Variants in KIF20B observed in about 807,000 individuals in gnomAD.
The protein encoded by KIF20B is kinesin family member 20B.
KIF20B carries 188 observed loss-of-function variants against 232.5 expected under a neutral mutation model. That is an observed-to-expected ratio of 0.81 (90% CI 0.72 to 0.91). The LOEUF is 0.91. Among genes scored for constraint, KIF20B ranks in the 40% least tolerant of loss-of-function variants. The probability of loss-of-function intolerance (pLI) is 0.00; values close to 1 mark genes in which losing one functional copy is unlikely to be tolerated. For synonymous variants in KIF20B, 712 were observed against 683.0 expected, an observed-to-expected ratio of 1.04 and a Z score of -0.66; for missense variants, 2,154 against 2,055.9, an observed-to-expected ratio of 1.05 and a Z score of -0.92.
intron 23 of KIF20B, 47 bp from the exon 24 acceptor site, chr10:89,751,299 A>T (rs73386407): frequency 4.4e-6 from 6 of 1,370,406 alleles, no homozygotes; most frequent in Non-Finnish European, 5.8e-6. Flanking sequence ...GAAAAATTGG[A>T]TATCTAGAGG....
intron 13 of KIF20B, among the ~76,000 whole-genome samples, chr10:89,722,648 G>A (rs1019384567): frequency 2.0e-5 from 3 of 152,160 alleles, no homozygotes; most frequent in South Asian, 2.1e-4. Flanking sequence ...CAGCCTGGGC[G>A]ACAGAGTGAG....
At chr10:89,728,269 T>G (rs193166905) in intron 17 of KIF20B, among the ~76,000 whole-genome samples, 1 of 152,304 alleles carries the variant, frequency 6.6e-6, no homozygotes, top group African/African-American at 2.4e-5. Flanking sequence ...TAGACACTAG[T>G]TGTACCAATT....
chr10:89,720,414 C>T (rs1250427496), intron 13 of KIF20B, among the ~76,000 whole-genome samples: 1 of 152,156 alleles, frequency 6.6e-6, no homozygotes, highest in East Asian at 1.9e-4. Context: ...CTTAGAGATG[C>T]TAAGTTTTGC....
At chr10:89,706,913 G>C (rs1842734920) in intron 2 of KIF20B, among the ~76,000 whole-genome samples, 1 of 152,010 alleles carries the variant, frequency 6.6e-6, no homozygotes, top group East Asian at 1.9e-4. Flanking sequence ...ATAAATTTTA[G>C]AATCAGCTTG....
intron 28 of KIF20B, 122 bp from the exon 29 acceptor site, chr10:89,762,516 C>G (rs1842263688): frequency 4.4e-6 from 3 of 675,408 alleles, no homozygotes; most frequent in African/African-American, 3.6e-5. Context: ...TTGCTGTGAT[C>G]TAGCACGCTT....
At chr10:89,753,932 G>T (rs560722273) in intron 25 of KIF20B, among the ~76,000 whole-genome samples, 2 of 152,024 alleles carry the variant, frequency 1.3e-5, no homozygotes, top group Admixed American at 6.6e-5. Flanking sequence ...AGTTTTTTAA[G>T]TGGTATTATT....
In KIF20B at chr10:89,738,989, C is replaced by T. The variant is rs779163740; in HGVS notation, c.3808C>T (p.Arg1270Cys). 4.8e-5 allele frequency: 78 copies of T among 1,612,980 alleles called. No individual in the cohort carries two copies. The highest frequency in any genetic ancestry group is 1.6e-4 in the Middle Eastern group (1 of 6,078). Residue 1270 changes from arginine (R) to cysteine (C), a missense_variant, in exon 21 of 33, where the codon CGT (arginine) becomes TGT (cysteine). Coordinates refer to ENST00000371728, the MANE Select transcript of KIF20B (RefSeq NM_001284259.2). ...AGAGGAACTCTCTGCAAGCTCTGCT[C>T]GTACCCAGAATCTGAAAGCAGATCT... ...LKEELSASSA[R>C]TQNLKADLQR...
chr10:89,769,165 G>A (rs1301872460), intron 31 of KIF20B, among the ~76,000 whole-genome samples: 1 of 151,914 alleles, frequency 6.6e-6, no homozygotes, highest in Admixed American at 6.6e-5. Context: ...TAGTATTGGA[G>A]GGAAAAGAGC....
At chr10:89,715,506 C>A (rs1842918649) in intron 8 of KIF20B, among the ~76,000 whole-genome samples, 1 of 152,208 alleles carries the variant, frequency 6.6e-6, no homozygotes, top group South Asian at 2.1e-4. Context: ...TGTTACTATT[C>A]TTCCGGAGTG....
chr10:89,772,611 C>A, intron 31 of KIF20B, 78 bp from the exon 32 acceptor site: 1 of 864,114 alleles, frequency 1.2e-6, no homozygotes, highest in Non-Finnish European at 1.7e-6. Context: ...GATTTCAAAC[C>A]ATCTTTATTA....
chr10:89,741,600 T>G (rs1369374580), intron 21 of KIF20B, among the ~76,000 whole-genome samples: 1 of 152,214 alleles, frequency 6.6e-6, no homozygotes, highest in East Asian at 1.9e-4. Context: ...ATAGACACTG[T>G]TTTTAACTTC....
chr10:89,760,502 T>A (rs929067365), intron 27 of KIF20B, 24 bp from the exon 28 acceptor site: 1 of 1,409,042 alleles, frequency 7.1e-7, no homozygotes, highest in Middle Eastern at 1.8e-4. Context: ...AATGCCCTGT[T>A]GCTTTAATAT....
chr10:89,714,350 G>A (rs548607909), intron 7 of KIF20B, among the ~76,000 whole-genome samples: 23 of 152,086 alleles, frequency 1.5e-4, no homozygotes, highest in African/African-American at 4.3e-4. Flanking sequence ...GTGGTGGCGC[G>A]GGCCTGTAGT....
intron 29 of KIF20B, among the ~76,000 whole-genome samples, chr10:89,767,770 T>G (rs1193464910): frequency 2.0e-5 from 3 of 152,092 alleles, no homozygotes; most frequent in Admixed American, 2.0e-4. Context: ...TTTTATTTTA[T>G]TTTTGATATT....
chr10:89,711,055 A>G lies in KIF20B; in HGVS notation c.585A>G (p.Pro195=), dbSNP rs762212272. The G allele has an allele frequency of 1.0e-5, 16 of 1,607,658 alleles. No homozygotes were observed. Among genetic ancestry groups the G allele is most frequent in the Non-Finnish European group, 1.2e-5 (14 of 1,176,104 alleles). The change falls in exon 6 of 33, where the codon CCA becomes CCG. Residue 195 remains proline (P), a synonymous_variant. Transcript: ENST00000371728. ...ERLYTKMNLK[P]HRSREYLRLS... ...TGTATACAAAGATGAACCTTAAACC[A>G]CATAGATCCAGAGAATACTTAAGGT...
intron 29 of KIF20B, 85 bp downstream of exon 29, chr10:89,762,920 C>A: frequency 1.0e-6 from 1 of 966,894 alleles, no homozygotes; most frequent in Non-Finnish European, 1.6e-6. Context: ...CTATATTGCC[C>A]TCCTGTTCAT....
intron 21 of KIF20B, among the ~76,000 whole-genome samples, chr10:89,742,363 T>C (rs1480328287): frequency 1.3e-5 from 2 of 152,128 alleles, no homozygotes; most frequent in African/African-American, 4.8e-5. Flanking sequence ...ATATCCCCTG[T>C]GGATAAGGGG....
At chr10:89,714,820 A>G in intron 7 of KIF20B, 135 bp from the exon 8 acceptor site, 1 of 602,102 alleles carries the variant, frequency 1.7e-6, no homozygotes, top group South Asian at 2.1e-5. Flanking sequence ...TTTGTTCCAA[A>G]AAGTTTTTAA....
chr10:89,704,030 T>C (rs987748238), intron 1 of KIF20B, among the ~76,000 whole-genome samples: 1 of 152,110 alleles, frequency 6.6e-6, no homozygotes, highest in East Asian at 1.9e-4. Context: ...GGATTACAGG[T>C]GTGAGCCACT....
Sources: gnomAD v4.1 joint callset for allele counts (sites outside exome capture counted in the v4.1 genomes callset) on GRCh38, gnomAD v4.1.1 for gene constraint, MANE v1.5 for transcripts, NCBI Gene and HGNC (gene_info 2026-07-23, HGNC 2026-07-21) for gene names.